CEP112: variants seen among roughly 807,000 people sequenced by gnomAD.
CEP112 encodes centrosomal protein 112, also known as centrosomal protein of 112 kDa.
Under a neutral mutation model 153.0 loss-of-function variants are expected in CEP112, and 127 were observed. That is an observed-to-expected ratio of 0.83 (90% CI 0.72 to 0.96). CEP112 has a LOEUF of 0.96. CEP112 is among the 40% of genes least tolerant of loss of function. CEP112 has a pLI of 0.00. For missense variants in CEP112, 1,089 were observed against 1,101.2 expected (o/e 0.99, Z 0.16); for synonymous variants, 358 against 374.4 (o/e 0.96, Z 0.51).
At chr17:65,879,275 A>G (rs1388962134) in intron 20 of CEP112, among the ~76,000 whole-genome samples, 1 of 152,216 alleles carries the variant, frequency 6.6e-6, no homozygotes, top group Non-Finnish European at 1.5e-5. Flanking sequence ...GACAGCACCA[A>G]GAGGACAGGT....
chr17:65,719,162 C>T (rs1263738216), intron 23 of CEP112, among the ~76,000 whole-genome samples: 1 of 152,248 alleles, frequency 6.6e-6, no homozygotes, highest in African/African-American at 2.4e-5. Flanking sequence ...CGGGGCTCTG[C>T]TGTGAACAGC....
intron 20 of CEP112, among the ~76,000 whole-genome samples, chr17:65,854,255 T>C (rs146367561): frequency 6.6e-6 from 1 of 152,192 alleles, no homozygotes. Context: ...AGCTAAATGA[T>C]GAGAAGTTGC....
chr17:65,866,063 C>T (rs938478503), intron 20 of CEP112, among the ~76,000 whole-genome samples: 25 of 152,216 alleles, frequency 1.6e-4, no homozygotes, highest in Admixed American at 4.6e-4. Context: ...GGAGCCCTGC[C>T]GTCCTGGGTG....
intron 4 of CEP112, among the ~76,000 whole-genome samples, chr17:66,149,866 G>C (rs1378397008): frequency 1.1e-4 from 13 of 123,588 alleles, no homozygotes; most frequent in Non-Finnish European, 1.9e-4. Context: ...TGTAAATTTA[G>C]GGTTTTTTTT....
At chr17:65,650,140 T>A (rs35077912) in intron 24 of CEP112, among the ~76,000 whole-genome samples, 1 of 152,134 alleles carries the variant, frequency 6.6e-6, no homozygotes, top group Non-Finnish European at 1.5e-5. Flanking sequence ...AACAGGATGG[T>A]TCTTGTTTTT....
chr17:65,672,212 A>G (rs1057497926), intron 24 of CEP112, among the ~76,000 whole-genome samples: 14 of 152,374 alleles, frequency 9.2e-5, no homozygotes, highest in Non-Finnish European at 1.9e-4. Context: ...TAAGAAATGT[A>G]CAACACATCC....
chr17:65,850,691 G>C (rs2057898410), intron 21 of CEP112, among the ~76,000 whole-genome samples: 1 of 152,078 alleles, frequency 6.6e-6, no homozygotes, highest in South Asian at 2.1e-4. Flanking sequence ...TCTACTCATA[G>C]AGAGTCAAAG....
At chr17:65,974,324 G>A (rs1457476334) in intron 17 of CEP112, among the ~76,000 whole-genome samples, 11 of 152,132 alleles carry the variant, frequency 7.2e-5, no homozygotes, top group Admixed American at 5.9e-4. Flanking sequence ...CAATCTGCCC[G>A]CCTTGGCCTC....
chr17:65,772,813 A>G (rs2053451899), intron 21 of CEP112, among the ~76,000 whole-genome samples: 1 of 152,194 alleles, frequency 6.6e-6, no homozygotes, highest in Admixed American at 6.5e-5. Flanking sequence ...AGATCTGCAC[A>G]GGGTGTTATT....
chr17:65,868,469 C>T (rs2058553107), intron 20 of CEP112, among the ~76,000 whole-genome samples: 1 of 151,294 alleles, frequency 6.6e-6, no homozygotes, highest in African/African-American at 2.4e-5. Context: ...CACTGTACTC[C>T]AGCCTGGGCA....
At chr17:65,969,987 C>T (rs1408853425) in intron 17 of CEP112, among the ~76,000 whole-genome samples, 3 of 152,172 alleles carry the variant, frequency 2.0e-5, no homozygotes, top group Non-Finnish European at 4.4e-5. Flanking sequence ...ATATCACACG[C>T]ATGTTACACA....
At chr17:66,046,118 C>T (rs567351410) in intron 12 of CEP112, among the ~76,000 whole-genome samples, 6 of 152,032 alleles carry the variant, frequency 3.9e-5, no homozygotes, top group Admixed American at 3.9e-4. Context: ...TCTCTCCTCA[C>T]TGCAAGCTCC....
chr17:66,168,122 G>A (rs2072059287), intron 4 of CEP112, among the ~76,000 whole-genome samples: 1 of 152,142 alleles, frequency 6.6e-6, no homozygotes, highest in African/African-American at 2.4e-5. Flanking sequence ...CAAAATAAGA[G>A]TGTGATTATT....
At chr17:65,783,720 A>T (rs1468333319) in intron 21 of CEP112, among the ~76,000 whole-genome samples, 1 of 152,192 alleles carries the variant, frequency 6.6e-6, no homozygotes, top group Non-Finnish European at 1.5e-5. Flanking sequence ...CATACAAAAC[A>T]TGTCTTATTT....
chr17:66,023,155 T>C (rs957519803), intron 16 of CEP112, among the ~76,000 whole-genome samples: 1 of 152,112 alleles, frequency 6.6e-6, no homozygotes, highest in Non-Finnish European at 1.5e-5. Context: ...AGGAAATAAT[T>C]GACAAAAACT....
intron 17 of CEP112, among the ~76,000 whole-genome samples, chr17:65,968,900 T>C (rs925974853): frequency 1.3e-5 from 2 of 152,196 alleles, no homozygotes; most frequent in East Asian, 1.9e-4. Context: ...TTATAATAAG[T>C]ACTTATCGTA....
chr17:65,971,117 G>T (rs780707430), intron 17 of CEP112, among the ~76,000 whole-genome samples: 65 of 152,042 alleles, frequency 4.3e-4, no homozygotes, highest in Non-Finnish European at 8.7e-4. Flanking sequence ...CATGTTCCTT[G>T]CGTGTATGAG....
chr17:65,970,543 A>G (rs1029066312), intron 17 of CEP112, among the ~76,000 whole-genome samples: 4 of 151,992 alleles, frequency 2.6e-5, no homozygotes, highest in Admixed American at 6.6e-5. Context: ...ACACATGAAT[A>G]TTACATGAAA....
At chr17:66,106,332 A>T (rs1368260752) in intron 6 of CEP112, among the ~76,000 whole-genome samples, 1 of 152,066 alleles carries the variant, frequency 6.6e-6, no homozygotes, top group African/African-American at 2.4e-5. Flanking sequence ...ATGAAAATTT[A>T]AAAAACACAC....
Sources: allele counts gnomAD v4.1 joint callset (sites outside exome capture counted in the v4.1 genomes callset), GRCh38; gene constraint gnomAD v4.1.1; transcripts MANE v1.5; gene names NCBI Gene and HGNC (gene_info 2026-07-23, HGNC 2026-07-21).